FRMD4A: variants seen among roughly 807,000 people sequenced by gnomAD.
FRMD4A encodes FERM domain-containing protein 4A.
FRMD4A carries 29 observed loss-of-function variants against 129.1 expected under a neutral mutation model. The observed-to-expected ratio is 0.22, with a 90% CI of 0.17 to 0.31. The LOEUF (loss-of-function observed/expected upper bound fraction) is 0.31. Ranked by LOEUF, FRMD4A falls within the 10% of genes least tolerant of loss-of-function variation. The probability of loss-of-function intolerance (pLI) is 1.00; values close to 1 mark genes in which losing one functional copy is unlikely to be tolerated. For synonymous variants in FRMD4A, 634 were observed against 571.6 expected, an observed-to-expected ratio of 1.11 and a Z score of -1.56; for missense variants, 1,272 against 1,375.8, an observed-to-expected ratio of 0.92 and a Z score of 1.19.
At chr10:14,271,424 C>T (rs1001272716) in intron 2 of FRMD4A, among the ~76,000 whole-genome samples, 3 of 152,222 alleles carry the variant, frequency 2.0e-5, no homozygotes, top group African/African-American at 7.2e-5. Flanking sequence ...CACATACAAA[C>T]CCACATTCAC....
At chr10:13,861,044 C>T (rs532373830) in intron 2 of FRMD4A, among the ~76,000 whole-genome samples, 18 of 152,184 alleles carry the variant, frequency 1.2e-4, no homozygotes, top group Non-Finnish European at 2.1e-4. Flanking sequence ...AGCGTCTCTG[C>T]AAATGGAAGC....
intron 16 of FRMD4A, among the ~76,000 whole-genome samples, chr10:13,674,215 C>G (rs2083769245): frequency 6.6e-6 from 1 of 152,170 alleles, no homozygotes; most frequent in Non-Finnish European, 1.5e-5. Context: ...AATAGGATGT[C>G]CAAAGACAAG....
intron 2 of FRMD4A, among the ~76,000 whole-genome samples, chr10:14,103,115 CG>C (rs1185322574): frequency 6.6e-6 from 1 of 152,166 alleles, no homozygotes; most frequent in Non-Finnish European, 1.5e-5. Flanking sequence ...GAAGCCTCTC[CG>C]TCACATAGGT....
Position 14,060,634 on chromosome 10 carries a change from A to G in FRMD4A, c.46-201722T>C, listed in dbSNP as rs139326405. Among the ~76,000 whole-genome samples, 122 of 152,318 alleles carry G rather than the reference A, an allele frequency of 8.0e-4. 1 individual carries two copies. The highest frequency in any genetic ancestry group is 7.5e-3 in the Admixed American group (115 of 15,300). On this transcript the variant is annotated intron_variant, in intron 2 of 24. Transcript: ENST00000357447. ...AGTGCTTTCAACATTGGAAAAATCAATAATATGTGTCAAATGCCTCATTTT... is the reference window on the plus strand; with the variant it reads ...AGTGCTTTCAACATTGGAAAAATCAGTAATATGTGTCAAATGCCTCATTTT...
intron 2 of FRMD4A, among the ~76,000 whole-genome samples, chr10:13,920,929 C>T (rs35079712): frequency 0.086 from 13,047 of 152,256 alleles, 672 homozygotes; most frequent in East Asian, 0.25. Context: ...CCAGGCACTG[C>T]GCCACACATG....
chr10:13,981,738 CAAAAAAAA>C (rs55829400), intron 2 of FRMD4A, among the ~76,000 whole-genome samples: 1 of 97,676 alleles, frequency 1.0e-5, no homozygotes, highest in South Asian at 2.9e-4. Context: ...GACTCCGTGT[CAAAAAAAA>C]AAAAAAAAAA....
chr10:13,664,136 G>A (rs4750394), intron 18 of FRMD4A, among the ~76,000 whole-genome samples: 121,566 of 152,162 alleles, frequency 0.8, 48,870 homozygotes, highest in East Asian at 0.87. Flanking sequence ...GAAGGGAAGA[G>A]TGGTTTGTCC....
At chr10:14,038,841 T>A (rs768145890) in intron 2 of FRMD4A, among the ~76,000 whole-genome samples, 5 of 152,216 alleles carry the variant, frequency 3.3e-5, no homozygotes, top group Non-Finnish European at 7.3e-5. Context: ...AATGTCTGAT[T>A]GGCGCCTCTG....
At chr10:14,148,761 C>CAA (rs1330642686) in intron 2 of FRMD4A, among the ~76,000 whole-genome samples, 2 of 102,668 alleles carry the variant, frequency 1.9e-5, no homozygotes, top group Non-Finnish European at 4.1e-5. Flanking sequence ...GACTCTGTCT[C>CAA]AAAAAAAAAA....
chr10:13,780,703 G>A (rs1313665049), intron 6 of FRMD4A, among the ~76,000 whole-genome samples: 2 of 152,194 alleles, frequency 1.3e-5, no homozygotes, highest in Non-Finnish European at 2.9e-5. Flanking sequence ...TGGAGAGGAT[G>A]TGGAGAAACT....
chr10:14,106,937 A>G (rs1317797903), intron 2 of FRMD4A, among the ~76,000 whole-genome samples: 1 of 152,210 alleles, frequency 6.6e-6, no homozygotes, highest in Non-Finnish European at 1.5e-5. Flanking sequence ...CAGCAAAGAC[A>G]TGGACTCAAC....
intron 2 of FRMD4A, among the ~76,000 whole-genome samples, chr10:14,054,650 T>C (rs974987268): frequency 1.3e-5 from 2 of 152,122 alleles, no homozygotes; most frequent in Non-Finnish European, 2.9e-5. Context: ...CTGTGACTCA[T>C]TGTCAGGAGA....
chr10:13,699,235 T>TTTG (rs1435735064), intron 14 of FRMD4A, among the ~76,000 whole-genome samples: 1 of 131,878 alleles, frequency 7.6e-6, no homozygotes, highest in Non-Finnish European at 1.7e-5. Flanking sequence ...TTTTTTTTTT[T>TTTG]TTTTTTTTTT....
At chr10:14,079,062 G>C (rs1207868346) in intron 2 of FRMD4A, among the ~76,000 whole-genome samples, 1 of 152,242 alleles carries the variant, frequency 6.6e-6, no homozygotes, top group African/African-American at 2.4e-5. Flanking sequence ...TTTTGAAACA[G>C]AAATAGACCT....
intron 12 of FRMD4A, among the ~76,000 whole-genome samples, chr10:13,732,003 G>A (rs1012707969): frequency 1.3e-5 from 2 of 152,100 alleles, no homozygotes; most frequent in Non-Finnish European, 2.9e-5. Context: ...TGTGATTTTC[G>A]ATTTTTTGAC....
intron 2 of FRMD4A, among the ~76,000 whole-genome samples, chr10:14,211,511 A>G (rs1423946274): frequency 6.6e-6 from 1 of 152,214 alleles, no homozygotes; most frequent in Non-Finnish European, 1.5e-5. Flanking sequence ...TGCTATAGGA[A>G]TCAAACCGTA....
Position 13,646,873 on chromosome 10 carries a change from TGA to T in FRMD4A, c.*163_*164del. 1 of 332,524 alleles carries T rather than the reference TGA, an allele frequency of 3.0e-6. No homozygotes were observed. The highest frequency in any genetic ancestry group is 1.2e-4 in the South Asian group (1 of 8,360). The allele number at this position is 332,524 out of a possible 1,614,324, so 20.6% of individuals were successfully genotyped here. ...TGACGGTGCGTCTGGGTAAGGCAAA[TGA>T]GAGGCAGTGAGGTGATCTCAGAATG... On this transcript the variant is annotated 3_prime_UTR_variant, in exon 25 of 25. Transcript: ENST00000357447.
chr10:13,662,153 G>A (rs2082684906), intron 19 of FRMD4A, among the ~76,000 whole-genome samples: 1 of 152,182 alleles, frequency 6.6e-6, no homozygotes, highest in Admixed American at 6.5e-5. Context: ...CTTTCCAGGG[G>A]AGACTGGGAT....
In FRMD4A at chr10:13,674,946, G is replaced by A. The variant is rs2083847971; in HGVS notation, c.1216C>T (p.Leu406=). The change falls in exon 16 of 25, where the codon CTG becomes TTG. Residue 406 remains leucine, a synonymous_variant. Transcript: ENST00000357447. ...EALEETLRQR[L]EELKKLCLRE... is the part of the protein sequence containing the mutation. ...AGACACAGCTTCTTCAGTTCCTCCAGCCTCTGACGCAGGGTTTCCTCCAGA... is the reference window on the plus strand; with the variant it reads ...AGACACAGCTTCTTCAGTTCCTCCAACCTCTGACGCAGGGTTTCCTCCAGA... 6.2e-7 allele frequency: 1 copy of A among 1,614,122 alleles called. No homozygotes were observed. Among genetic ancestry groups the A allele is most frequent in the Non-Finnish European group, 8.5e-7 (1 of 1,179,958 alleles).
Sources: allele counts gnomAD v4.1 joint callset (sites outside exome capture counted in the v4.1 genomes callset), GRCh38; gene constraint gnomAD v4.1.1; transcripts MANE v1.5; gene names NCBI Gene and HGNC (gene_info 2026-07-23, HGNC 2026-07-21).